Variants in PCCA observed in about 807,000 individuals in gnomAD.
PCCA encodes propionyl-CoA carboxylase subunit alpha.
PCCA carries 74 observed loss-of-function variants against 101.3 expected under a neutral mutation model. The ratio of observed to expected loss-of-function variants is 0.73; its 90% CI spans 0.61 to 0.89. PCCA has a LOEUF of 0.89. Ranked by LOEUF, PCCA falls within the 40% of genes least tolerant of loss-of-function variation. The pLI is 0.00. For synonymous variants in PCCA, 294 were observed against 313.6 expected, an observed-to-expected ratio of 0.94 and a Z score of 0.66; for missense variants, 891 against 907.0, an observed-to-expected ratio of 0.98 and a Z score of 0.23.
At chr13:100,275,680 CT>C (rs375364107) in intron 12 of PCCA, among the ~76,000 whole-genome samples, 36 of 151,062 alleles carry the variant, frequency 2.4e-4, no homozygotes, top group African/African-American at 7.5e-4. Flanking sequence ...GGCCTTTTTC[CT>C]TTTTTTTTCT....
intron 18 of PCCA, among the ~76,000 whole-genome samples, chr13:100,352,325 TCAGA>T (rs914449717): frequency 6.6e-5 from 10 of 151,764 alleles, no homozygotes; most frequent in East Asian, 1.9e-4. Context: ...GAAAAAAGTA[TCAGA>T]CAGACATTGT....
At chr13:100,170,891 A>C (rs1210631328) in intron 6 of PCCA, among the ~76,000 whole-genome samples, 5 of 152,238 alleles carry the variant, frequency 3.3e-5, no homozygotes, top group Non-Finnish European at 7.3e-5. Flanking sequence ...GTAGCCATAA[A>C]ATAAGAGTGG....
chr13:100,139,483 TCTTTC>T (rs1387836876), intron 4 of PCCA, among the ~76,000 whole-genome samples: 1 of 152,102 alleles, frequency 6.6e-6, no homozygotes, highest in Non-Finnish European at 1.5e-5. Context: ...ATTTATTGAC[TCTTTC>T]CTTTGTCATC....
intron 6 of PCCA, among the ~76,000 whole-genome samples, chr13:100,172,521 G>A (rs2055793912): frequency 2.0e-5 from 3 of 152,156 alleles, no homozygotes; most frequent in African/African-American, 4.8e-5. Context: ...GGGCCCATAC[G>A]TAAAGACTAT....
chr13:100,123,660 G>T (rs1320941426), intron 4 of PCCA, among the ~76,000 whole-genome samples: 1 of 151,980 alleles, frequency 6.6e-6, no homozygotes, highest in African/African-American at 2.4e-5. Context: ...GAGTAAATAT[G>T]CAAGAATAGC....
chr13:100,096,604 C>G (rs2046797023), intron 1 of PCCA, among the ~76,000 whole-genome samples: 1 of 152,158 alleles, frequency 6.6e-6, no homozygotes, highest in Non-Finnish European at 1.5e-5. Flanking sequence ...CCAAGATAGA[C>G]TGAAAGTTGG....
chr13:100,268,848 A>AT, intron 11 of PCCA, 65 bp downstream of exon 11: 1 of 1,054,764 alleles, frequency 9.5e-7, no homozygotes, highest in Non-Finnish European at 1.5e-6. Context: ...TCATTCATTC[A>AT]TTCATCATTC....
intron 21 of PCCA, among the ~76,000 whole-genome samples, chr13:100,500,148 A>C (rs1052114428): frequency 6.6e-6 from 1 of 152,166 alleles, no homozygotes; most frequent in African/African-American, 2.4e-5. Context: ...CTGTCTTCAG[A>C]TTGAGGCGAT....
At chr13:100,213,437 G>T (rs1235256014) in intron 7 of PCCA, among the ~76,000 whole-genome samples, 1 of 152,128 alleles carries the variant, frequency 6.6e-6, no homozygotes, top group Non-Finnish European at 1.5e-5. Context: ...CAATTTAACT[G>T]GGGTGAGATG....
chr13:100,391,929 G>C (rs985669949), intron 19 of PCCA, among the ~76,000 whole-genome samples: 1 of 152,092 alleles, frequency 6.6e-6, no homozygotes, highest in Admixed American at 6.5e-5. Context: ...TATTGTTACT[G>C]TTTGTTTTGT....
intron 19 of PCCA, among the ~76,000 whole-genome samples, chr13:100,401,098 A>G (rs1259475051): frequency 1.3e-5 from 2 of 152,150 alleles, no homozygotes; most frequent in Admixed American, 6.5e-5. Flanking sequence ...TTCTTTTCCC[A>G]TGGTTTTGGC....
At chr13:100,321,149 C>T (rs747762579) in intron 16 of PCCA, among the ~76,000 whole-genome samples, 21 of 152,180 alleles carry the variant, frequency 1.4e-4, no homozygotes, top group Admixed American at 1.1e-3. Flanking sequence ...TTCCTCTTCC[C>T]GGAACACCAA....
At chr13:100,133,541 T>G (rs1398230062) in intron 4 of PCCA, among the ~76,000 whole-genome samples, 1 of 152,254 alleles carries the variant, frequency 6.6e-6, no homozygotes, top group African/African-American at 2.4e-5. Context: ...ATGTGATCCA[T>G]CTTGAGTTAA....
chr13:100,401,788 G>T (rs2077379811), intron 19 of PCCA, among the ~76,000 whole-genome samples: 7 of 152,186 alleles, frequency 4.6e-5, no homozygotes, highest in Admixed American at 4.6e-4. Flanking sequence ...TCTCCTTTCA[G>T]TTTGGGAGCA....
rs553047300 is a variant in PCCA, at chr13:100,348,111, T to G, written c.1643+7852T>G. Among the ~76,000 whole-genome samples the G allele has an allele frequency of 2.0e-5, 3 of 152,234 alleles. No homozygotes were observed. In the South Asian group the frequency reaches 6.2e-4, roughly 32 times the overall value. The stretch of plus-strand genomic sequence containing the variant: ...TCGGCTTGGGAATGGATTCTAAGAG[T>G]CACCCTCCAGGTGTGGCTCTGTATT... On this transcript the variant is annotated intron_variant, in intron 18 of 23. Transcript: ENST00000376285.
intron 7 of PCCA, 41 bp from the exon 8 acceptor site, chr13:100,235,801 C>T (rs202002389): frequency 5.5e-6 from 8 of 1,464,976 alleles, no homozygotes; most frequent in Non-Finnish European, 7.7e-6. Context: ...TGTGCAATGC[C>T]TCATGGGATT....
chr13:100,180,818 A>G (rs2056729070), intron 6 of PCCA, among the ~76,000 whole-genome samples: 1 of 152,250 alleles, frequency 6.6e-6, no homozygotes, highest in Non-Finnish European at 1.5e-5. Flanking sequence ...CTCAAATTCC[A>G]GTGAAGTTTG....
Position 100,394,683 on chromosome 13 carries a change from C to G in PCCA, c.1746+26109C>G, listed in dbSNP as rs2152844865. ...GTAATTGCATTTTGATTCACTTTGCCTACAGTGCACAGGTCAGGTCTGCTT... is the reference window on the plus strand; with the variant it reads ...GTAATTGCATTTTGATTCACTTTGCGTACAGTGCACAGGTCAGGTCTGCTT... On this transcript the variant is annotated intron_variant, in intron 19 of 23. Coordinates refer to ENST00000376285, the MANE Select transcript of PCCA (RefSeq NM_000282.4). The surrounding 1 kb of genome is among the most constrained non-coding windows in gnomAD (Gnocchi z 4.3). Among the ~76,000 whole-genome samples the G allele has an allele frequency of 6.6e-6, 1 of 152,224 alleles. No homozygotes were observed. The highest frequency in any genetic ancestry group is 2.4e-5 in the African/African-American group (1 of 41,528).
intron 21 of PCCA, chr13:100,480,194 C>T (rs2083775646): frequency 6.9e-6 from 1 of 145,210 alleles, no homozygotes; most frequent in South Asian, 2.2e-4. Flanking sequence ...CAGCAAATGC[C>T]TTTCTCTTTG....
Sources: allele counts gnomAD v4.1 joint callset (sites outside exome capture counted in the v4.1 genomes callset), GRCh38; gene constraint gnomAD v4.1.1; non-coding constraint Gnocchi (gnomAD v3.1); transcripts MANE v1.5; gene names NCBI Gene and HGNC (gene_info 2026-07-23, HGNC 2026-07-21).